TBL1X: variants seen among roughly 807,000 people sequenced by gnomAD.
The protein encoded by TBL1X is F-box-like/WD repeat-containing protein TBL1X.
In TBL1X, 10 loss-of-function variants were observed where a neutral mutation model predicts 50.7. The observed-to-expected ratio is 0.20, with a 90% CI of 0.12 to 0.33. TBL1X has a LOEUF of 0.33. Among genes scored for constraint, TBL1X ranks in the 10% least tolerant of loss-of-function variants. The pLI, the probability that TBL1X is intolerant of heterozygous loss-of-function variation, is 1.00. For synonymous variants in TBL1X, 190 were observed against 214.7 expected (o/e 0.88, Z 1.01); for missense variants, 340 against 504.4 (o/e 0.67, Z 3.12).
intron 12 of TBL1X, among the ~76,000 whole-genome samples, chrX:9,699,700 C>T (rs920477632): frequency 9.0e-6 from 1 of 111,636 alleles, no homozygotes; most frequent in Non-Finnish European, 1.9e-5. Context: ...GTGTTAGATG[C>T]ATAGGCACCC....
chrX:9,551,776 T>A (rs1440847577), intron 2 of TBL1X, among the ~76,000 whole-genome samples: 2 of 111,789 alleles, frequency 1.8e-5, no homozygotes, highest in African/African-American at 3.3e-5. Flanking sequence ...GGAGTCCTGG[T>A]GCACACCTCT....
intron 9 of TBL1X, 35 bp from the exon 10 acceptor site, chrX:9,693,114 G>A (rs1246137880): frequency 5.8e-6 from 7 of 1,208,621 alleles, no homozygotes; most frequent in Non-Finnish European, 7.8e-6. Flanking sequence ...CTCCTAAGTT[G>A]TTTTTGTGGG....
intron 13 of TBL1X, among the ~76,000 whole-genome samples, chrX:9,707,257 G>A (rs917438930): frequency 1.8e-5 from 2 of 111,292 alleles, no homozygotes; most frequent in Non-Finnish European, 3.8e-5. Flanking sequence ...AGGGGTCCCT[G>A]TCCCAAAGGA....
At chrX:9,658,268 T>C (rs2239409) in intron 5 of TBL1X, among the ~76,000 whole-genome samples, 31,254 of 110,559 alleles carry the variant, frequency 0.28, 3,882 homozygotes, top group Middle Eastern at 0.41. Flanking sequence ...GTGAGTCCAT[T>C]GGCCTCTGTC....
Position 9,707,911 on chromosome X carries a change from G to GT in TBL1X, c.1237-1335dup, listed in dbSNP as rs2083219596. ...ACAGATGTGGCCTTGTCACTGTCCA[G>GT]TTCACACCCTTCAAAACTCCATGTT... is the stretch of plus-strand genomic sequence containing the variant. On this transcript the variant is annotated intron_variant, in intron 13 of 17. Transcript: ENST00000645353. Among the ~76,000 whole-genome samples the GT allele has an allele frequency of 3.6e-5, 4 of 112,515 alleles. No individual in the cohort carries two copies. The South Asian group carries it at 1.5e-3, about 41-fold the overall frequency.
At chrX:9,699,546 T>C (rs1284344083) in intron 12 of TBL1X, among the ~76,000 whole-genome samples, 1 of 111,446 alleles carries the variant, frequency 9.0e-6, no homozygotes, top group African/African-American at 3.3e-5. Context: ...TTGGGGTGCT[T>C]AAATGATGTT....
chrX:9,597,198 G>T (rs2082530740), intron 2 of TBL1X, among the ~76,000 whole-genome samples: 1 of 111,481 alleles, frequency 9.0e-6, no homozygotes, highest in Non-Finnish European at 1.9e-5. Context: ...GAGAAAATGG[G>T]TCCAAAAGAC....
intron 5 of TBL1X, among the ~76,000 whole-genome samples, chrX:9,680,526 C>T (rs968679297): frequency 4.5e-5 from 5 of 111,293 alleles, no homozygotes; most frequent in African/African-American, 9.8e-5. Flanking sequence ...AGTGGCAGAA[C>T]GAGGACAGAA....
At position 9,654,356 on chromosome X, in the gene TBL1X, C is replaced by G. The variant is rs1444304630; in HGVS notation, c.211+34C>G. ...CTTGGTTTTCTGTCGGTAGGAAATTCATCTACAGCATCTTACAAGCAGAAG... is the reference window on the plus strand; with the variant it reads ...CTTGGTTTTCTGTCGGTAGGAAATTGATCTACAGCATCTTACAAGCAGAAG... On this transcript the variant is annotated intron_variant, in intron 5 of 17. Transcript: ENST00000645353. The G allele has an allele frequency of 6.9e-6, 8 of 1,152,739 alleles. No homozygotes were observed. The African/African-American group carries it at 7.2e-5, about 10-fold the overall frequency. The allele number at this position is 1,152,739 out of a possible 1,213,427, so 95.0% of individuals were successfully genotyped here.
At chrX:9,578,002 T>G (rs1273723086) in intron 2 of TBL1X, among the ~76,000 whole-genome samples, 2 of 112,237 alleles carry the variant, frequency 1.8e-5, no homozygotes, top group African/African-American at 6.5e-5. Context: ...CCTCTGCAGT[T>G]TTCTCTGAAA....
At chrX:9,643,753 C>G (rs759986652) in intron 3 of TBL1X, among the ~76,000 whole-genome samples, 59 of 111,475 alleles carry the variant, frequency 5.3e-4, no homozygotes, top group Non-Finnish European at 1.0e-3. Context: ...CCCAACTGCT[C>G]AAGAGGTTGA....
intron 2 of TBL1X, among the ~76,000 whole-genome samples, chrX:9,587,345 C>G (rs1390400659): frequency 8.9e-6 from 1 of 112,153 alleles, no homozygotes; most frequent in Non-Finnish European, 1.9e-5. Context: ...GGCGGCATCC[C>G]TTGGAGGTAG....
chrX:9,463,463 G>A (rs914214301), upstream of TBL1X: 1 of 112,275 alleles, frequency 8.9e-6, no homozygotes, highest in Non-Finnish European at 1.9e-5. Context: ...TGGAGACTGT[G>A]TAAGTGTGTA....
At chrX:9,683,838 T>A (rs1175336234) in intron 5 of TBL1X, 1 of 486,346 alleles carries the variant, frequency 2.1e-6, no homozygotes, top group African/African-American at 2.4e-5. Flanking sequence ...CTGGTCTTCC[T>A]GGGTCTGAAG....
At chrX:9,655,616 G>T (rs1260692651) in intron 5 of TBL1X, among the ~76,000 whole-genome samples, 4 of 111,387 alleles carry the variant, frequency 3.6e-5, no homozygotes, top group Non-Finnish European at 5.6e-5. Flanking sequence ...GGGATTTTAA[G>T]TTGGGTTTTA....
rs772874726 is a variant in TBL1X at position 9,586,149 on chromosome X, C to G, written c.-130-54124C>G. On this transcript the variant is annotated intron_variant, in intron 2 of 17. Coordinates refer to ENST00000645353, the MANE Select transcript of TBL1X (RefSeq NM_005647.4). ...GCAAATCCACTTTTGGGTATACATC[C>G]AAAAGAATTGAAATCAGAATCTCAA... 8.9e-5 allele frequency among the ~76,000 whole-genome samples: 10 copies of G among 111,892 alleles called. No individual in the cohort carries two copies. In the South Asian group the frequency reaches 3.7e-3, roughly 42 times the overall value.
At chrX:9,712,580 G>A (rs570374035) in intron 16 of TBL1X, among the ~76,000 whole-genome samples, 5 of 111,960 alleles carry the variant, frequency 4.5e-5, no homozygotes, top group South Asian at 3.7e-4. Flanking sequence ...CAGGTGATCC[G>A]CCCACTTTTG....
chrX:9,637,452 A>G (rs1253967564), intron 2 of TBL1X: 1 of 112,313 alleles, frequency 8.9e-6, no homozygotes, highest in African/African-American at 3.2e-5. Flanking sequence ...TTGATTGATT[A>G]TATATGGTAC....
At chrX:9,657,667 G>A (rs1028705673) in intron 5 of TBL1X, among the ~76,000 whole-genome samples, 1 of 112,597 alleles carries the variant, frequency 8.9e-6, no homozygotes, top group Admixed American at 9.4e-5. Context: ...TGGATTAGTG[G>A]ATTTTCATTG....
Sources: allele counts gnomAD v4.1 joint callset (sites outside exome capture counted in the v4.1 genomes callset), GRCh38; gene constraint gnomAD v4.1.1; transcripts MANE v1.5; gene names NCBI Gene and HGNC (gene_info 2026-07-23, HGNC 2026-07-21).